The following LAPTM5 variants were observed in gnomAD, a reference collection of about 807,000 sequenced individuals.
The protein encoded by LAPTM5 is lysosomal-associated transmembrane protein 5.
LAPTM5 carries 11 observed loss-of-function variants against 30.1 expected under a neutral mutation model. That is an observed-to-expected ratio of 0.37 (90% CI 0.23 to 0.60). The LOEUF (loss-of-function observed/expected upper bound fraction) is 0.60. LAPTM5 is among the 20% of genes least tolerant of loss of function. The pLI is 0.71. For synonymous variants in LAPTM5, 151 were observed against 137.9 expected (o/e 1.10, Z -0.67); for missense variants, 324 against 332.5 (o/e 0.97, Z 0.20).
chr1:30,749,251 C>A (rs145717257), intron 1 of LAPTM5, among the ~76,000 whole-genome samples: 1 of 152,196 alleles, frequency 6.6e-6, no homozygotes, highest in Non-Finnish European at 1.5e-5. Flanking sequence ...CAAAAGAACA[C>A]GCGCTGCAGA....
In LAPTM5 at chr1:30,746,719, T is replaced by G. The variant is rs963865087; in HGVS notation, c.88-4170A>C. ...TAAGAGCTCGGGTGCTGGGGTCAGA[T>G]GGCCCCAGGCCCCAGCCGAGCTCTG... On this transcript the variant is annotated intron_variant, in intron 1 of 7. Transcript: ENST00000294507. This position sits in a 1 kb window ranked among gnomAD's most constrained non-coding sequence, Gnocchi z 4.0. Among the ~76,000 whole-genome samples the G allele has an allele frequency of 5.3e-5, 8 of 150,782 alleles. No individual in the cohort carries two copies. The highest frequency in any genetic ancestry group is 2.0e-4 in the African/African-American group (8 of 41,002).
At chr1:30,744,982 T>C (rs982322778) in intron 1 of LAPTM5, among the ~76,000 whole-genome samples, 1 of 152,150 alleles carries the variant, frequency 6.6e-6, no homozygotes, top group African/African-American at 2.4e-5. Context: ...TTTAGAAATT[T>C]TAATATTGTC....
intron 2 of LAPTM5, chr1:30,742,125 A>G (rs931923781): frequency 2.4e-6 from 1 of 412,634 alleles, no homozygotes; most frequent in Non-Finnish European, 4.5e-6. Context: ...GCTGGATCCT[A>G]TGGTGAGGAG....
At chr1:30,756,406 G>T (rs1640211742) in intron 1 of LAPTM5, among the ~76,000 whole-genome samples, 1 of 152,220 alleles carries the variant, frequency 6.6e-6, no homozygotes. Flanking sequence ...CTGTGCGTCA[G>T]GCGTGGTTCT....
rs1258631464 is a variant in LAPTM5, at chr1:30,739,086, G to A, written c.388-24C>T. ...CTCTGGGGAGGACAAATACAAGGAG[G>A]AGGAATGAGGAGCAGCAATTAAAGT... On this transcript the variant is annotated intron_variant, in intron 4 of 7. Coordinates refer to ENST00000294507, the MANE Select transcript of LAPTM5 (RefSeq NM_006762.3). This position sits in a 1 kb window ranked among gnomAD's most constrained non-coding sequence, Gnocchi z 4.2. 6.4e-7 allele frequency: 1 copy of A among 1,566,680 alleles called. No individual in the cohort carries two copies. Among genetic ancestry groups the A allele is most frequent in the African/African-American group, 1.3e-5 (1 of 74,178 alleles).
At chr1:30,742,628 C>T in intron 1 of LAPTM5, 79 bp from the exon 2 acceptor site, 3 of 1,178,288 alleles carry the variant, frequency 2.5e-6, no homozygotes, top group Non-Finnish European at 2.5e-6. Flanking sequence ...TAGTGGTGTA[C>T]AGCAGGGAAG....
intron 1 of LAPTM5, among the ~76,000 whole-genome samples, chr1:30,753,819 C>T (rs751119579): frequency 6.6e-6 from 1 of 152,202 alleles, no homozygotes; most frequent in Non-Finnish European, 1.5e-5. Context: ...ACCACACTAA[C>T]GTTGAGACGT....
In LAPTM5 at chr1:30,757,649, G is replaced by T; in HGVS notation, c.87+10C>A. The T allele has an allele frequency of 6.2e-7, 1 of 1,612,280 alleles. No individual in the cohort carries two copies. The highest frequency in any genetic ancestry group is 8.5e-7 in the Non-Finnish European group (1 of 1,179,510). On this transcript the variant is annotated intron_variant, in intron 1 of 7. Transcript: ENST00000294507. ...ACGCACGCACACACACCCGGGGCCC[G>T]CACACTCACCACATGGTAGATGGCC...
At chr1:30,748,235 T>C (rs2124192914) in intron 1 of LAPTM5, among the ~76,000 whole-genome samples, 1 of 152,120 alleles carries the variant, frequency 6.6e-6, no homozygotes, top group South Asian at 2.1e-4. Context: ...CTTCATTGGC[T>C]CCTCCTACCA....
At chr1:30,745,930 A>C (rs1331350387) in intron 1 of LAPTM5, 1 of 152,308 alleles carries the variant, frequency 6.6e-6, no homozygotes, top group African/African-American at 2.4e-5. Flanking sequence ...GTCCTGTGTC[A>C]CGTGGCCCGG....
intron 1 of LAPTM5, among the ~76,000 whole-genome samples, 186 bp from the exon 2 acceptor site, chr1:30,742,735 T>A (rs1327443231): frequency 1.3e-5 from 2 of 152,142 alleles, no homozygotes; most frequent in African/African-American, 2.4e-5. Flanking sequence ...ATGTTCAGAA[T>A]CCTGGGTCTT....
intron 1 of LAPTM5, among the ~76,000 whole-genome samples, chr1:30,745,407 C>T (rs1246360678): frequency 6.6e-6 from 1 of 152,148 alleles, no homozygotes; most frequent in Non-Finnish European, 1.5e-5. Flanking sequence ...CAGAGAGGCG[C>T]CCCCATCCCC....
intron 1 of LAPTM5, among the ~76,000 whole-genome samples, chr1:30,753,182 C>T (rs1024701997): frequency 6.6e-6 from 1 of 151,918 alleles, no homozygotes; most frequent in African/African-American, 2.4e-5. Context: ...TCCCTGGGTC[C>T]CTGTAATATA....
rs1328864931 is a variant in LAPTM5, at chr1:30,739,146, T to C, written c.388-84A>G. ...TGAGCGGCACATAGTAGGCCCTCACTTGAGAGACCGTCTCAGCTACAGACA... is the reference window on the plus strand; with the variant it reads ...TGAGCGGCACATAGTAGGCCCTCACCTGAGAGACCGTCTCAGCTACAGACA... On this transcript the variant is annotated intron_variant, in intron 4 of 7. Transcript: ENST00000294507. This position sits in a 1 kb window ranked among gnomAD's most constrained non-coding sequence, Gnocchi z 4.2. 6.7e-7 allele frequency: 1 copy of C among 1,495,642 alleles called. No individual in the cohort carries two copies. Among genetic ancestry groups the C allele is most frequent in the Non-Finnish European group, 9.0e-7 (1 of 1,107,568 alleles). 92.6% of individuals were successfully genotyped at this position (1,495,642 alleles called of 1,614,324 possible). A position where few individuals can be genotyped will look rare whatever the true frequency, so the allele number is the denominator to read the frequency against.
Position 30,733,409 on chromosome 1 carries a change from T to G in LAPTM5, c.*419A>C. The G allele has an allele frequency of 1.5e-6, 1 of 688,810 alleles. No homozygotes were observed. The allele number at this position is 688,810 out of a possible 1,614,324, so 42.7% of individuals were successfully genotyped here. A position where few individuals can be genotyped will look rare whatever the true frequency, so the allele number is the denominator to read the frequency against. On this transcript the variant is annotated 3_prime_UTR_variant, in exon 8 of 8. Transcript: ENST00000294507. ...AAATTGCTATGTGAACTGACAACTA[T>G]TTATAAATCAATGCAATAGACTGTT...
In LAPTM5 at chr1:30,739,690, C is replaced by G; in HGVS notation, c.387+119G>C. 1 of 1,226,514 alleles carries G rather than the reference C, an allele frequency of 8.2e-7. No homozygotes were observed. The highest frequency in any genetic ancestry group is 1.1e-6 in the Non-Finnish European group (1 of 916,054). 76.0% of individuals were successfully genotyped at this position (1,226,514 alleles called of 1,614,324 possible). A position where few individuals can be genotyped will look rare whatever the true frequency, so the allele number is the denominator to read the frequency against. ...TCAGAGACTGGGTCAAGACACCAGC[C>G]AGGAAGAGGGCTCCTACCCTCCCCA... is the stretch of plus-strand genomic sequence containing the variant. On this transcript the variant is annotated intron_variant, in intron 4 of 7. Coordinates refer to ENST00000294507, the MANE Select transcript of LAPTM5 (RefSeq NM_006762.3). The surrounding 1 kb of genome is among the most constrained non-coding windows in gnomAD (Gnocchi z 4.2).
Position 30,732,949 on chromosome 1 carries a change from T to C in LAPTM5, c.*879A>G, listed in dbSNP as rs8048. ...ATGACTCCTTTCATGGAATCCACTG[T>C]TATGCAGCCACACTGACCACAGAGC... On this transcript the variant is annotated 3_prime_UTR_variant, in exon 8 of 8. Transcript: ENST00000294507. The C allele has an allele frequency of 0.6, 91,400 of 152,258 alleles. 30,099 individuals are homozygous for C. Among genetic ancestry groups the C allele is most frequent in the African/African-American group, 0.89 (36,822 of 41,542 alleles). 9.4% of individuals were successfully genotyped at this position (152,258 alleles called of 1,614,324 possible).
intron 6 of LAPTM5, 29 bp from the exon 7 acceptor site, chr1:30,735,294 T>C: frequency 6.3e-7 from 1 of 1,593,262 alleles, no homozygotes; most frequent in South Asian, 1.1e-5. Context: ...CAGGCTGTGC[T>C]TTGCTGAGCG....
At chr1:30,741,838 C>A in intron 2 of LAPTM5, 122 bp from the exon 3 acceptor site, 1 of 626,732 alleles carries the variant, frequency 1.6e-6, no homozygotes, top group Non-Finnish European at 2.7e-6. Flanking sequence ...AAAGCCCAGG[C>A]CCTGCCCTCT....
Sources: gnomAD v4.1 joint callset for allele counts (sites outside exome capture counted in the v4.1 genomes callset) on GRCh38, gnomAD v4.1.1 for gene constraint, Gnocchi (gnomAD v3.1) non-coding constraint, MANE v1.5 for transcripts, NCBI Gene and HGNC (gene_info 2026-07-23, HGNC 2026-07-21) for gene names.